The following HNRNPK variants were observed in gnomAD, a reference collection of about 807,000 sequenced individuals.
The protein encoded by HNRNPK is dC-stretch binding protein.
In HNRNPK, 7 loss-of-function variants were observed where a neutral mutation model predicts 67.0. The ratio of observed to expected loss-of-function variants is 0.10; its 90% CI spans 0.06 to 0.20. HNRNPK has a LOEUF of 0.20. Among genes scored for constraint, HNRNPK ranks in the 10% least tolerant of loss-of-function variants. HNRNPK has a pLI of 1.00. For synonymous variants in HNRNPK, 213 were observed against 193.7 expected (o/e 1.10, Z -0.83); for missense variants, 264 against 606.5 (o/e 0.44, Z 5.93).
At chr9:83,971,785 A>T (rs1186485221) in intron 11 of HNRNPK, 59 bp from the exon 12 acceptor site, 1 of 1,597,886 alleles carries the variant, frequency 6.3e-7, no homozygotes, top group Non-Finnish European at 8.6e-7. Flanking sequence ...ATATCAAATC[A>T]AAGTCTACCT....
rs1588416124 is a variant in HNRNPK, at chr9:83,971,711, A to G, written c.969T>C (p.Tyr323=). 3 of 1,614,002 alleles carry G rather than the reference A, an allele frequency of 1.9e-6. No individual in the cohort carries two copies. Among genetic ancestry groups the G allele is most frequent in the Non-Finnish European group, 1.7e-6 (2 of 1,179,846 alleles). ...GGTCTCCAGGTCTCCCTCTTCTGTC[A>G]TAGGCCATGAGGTCTCTGCAAGCAT... ...PPPRGGDLMA[Y]DRRGRPGDRY... Residue 323 remains tyrosine (Y), a synonymous_variant, in exon 12 of 17, where the codon TAT becomes TAC. Coordinates refer to ENST00000376263, the MANE Select transcript of HNRNPK (RefSeq NM_031263.4).
intron 1 of HNRNPK, among the ~76,000 whole-genome samples, chr9:83,979,129 A>G (rs1213688637): frequency 6.6e-6 from 1 of 152,196 alleles, no homozygotes; most frequent in African/African-American, 2.4e-5. Flanking sequence ...CTACGTGCCA[A>G]AACGGTCGAT....
chr9:83,970,657 T>G, intron 15 of HNRNPK, 80 bp downstream of exon 15: 1 of 1,004,582 alleles, frequency 1.0e-6, no homozygotes, highest in South Asian at 1.4e-5. Context: ...TGTTAAAACC[T>G]TCTGAATTAA....
At chr9:83,975,540 TTGGGCA>T in intron 5 of HNRNPK, 35 bp from the exon 6 acceptor site, 1 of 1,537,042 alleles carries the variant, frequency 6.5e-7, no homozygotes, top group Non-Finnish European at 9.0e-7. Flanking sequence ...GATGTTGGCA[TTGGGCA>T]TGGGCATTCA....
chr9:83,978,245 G>C lies in HNRNPK; in HGVS notation c.8C>G (p.Thr3Ser), dbSNP rs369246205. 6.2e-7 allele frequency: 1 copy of C among 1,604,466 alleles called. No individual in the cohort carries two copies. The highest frequency in any genetic ancestry group is 8.5e-7 in the Non-Finnish European group (1 of 1,175,368). Residue 3 changes from threonine to serine, a missense_variant, in exon 3 of 17, where the codon ACT becomes AGT. Physicochemically the swap from Thr to Ser is moderately conservative, Grantham distance 58 (BLOSUM62 1). Transcript: ENST00000376263. Reference protein sequence around the residue: METEQPEETFPNT... With the variant: MESEQPEETFPNT... ...AGGGAAGGTTTCTTCTGGCTGTTCA[G>C]TTTCCATATTCTTTTATTAAACGGG...
chr9:83,978,356 T>G lies in HNRNPK; in HGVS notation c.-28+17A>C. On this transcript the variant is annotated intron_variant, in intron 2 of 16. Transcript: ENST00000376263. ...TAAAAAAAAAAAAAAAAAAAAGACA[T>G]TGCTTCTAGAACGTACCAGTTATTA... The G allele has an allele frequency of 6.6e-7, 1 of 1,513,982 alleles. No homozygotes were observed. The highest frequency in any genetic ancestry group is 2.3e-5 in the East Asian group (1 of 43,362). The allele number at this position is 1,513,982 out of a possible 1,614,324, so 93.8% of individuals were successfully genotyped here. A position where few individuals can be genotyped will look rare whatever the true frequency, so the allele number is the denominator to read the frequency against.
In HNRNPK at chr9:83,973,355, C is replaced by G. The variant is rs1353107809; in HGVS notation, c.447G>C (p.Leu149=). Residue 149 remains leucine (L), a synonymous_variant, in exon 9 of 17, where the codon CTG becomes CTC. Transcript: ENST00000376263. ...KGSDFDCELR[L]LIHQSLAGGI... ...CTCCTGCTAGACTCTGATGAATCAA[C>G]AGCCTCAACTCGCAGTCAAAGTCAC... 3.7e-6 allele frequency: 6 copies of G among 1,611,156 alleles called. No individual in the cohort carries two copies. The highest frequency in any genetic ancestry group is 5.1e-6 in the Non-Finnish European group (6 of 1,177,772).
At chr9:83,971,578 A>C in intron 12 of HNRNPK, 94 bp downstream of exon 12, 1 of 1,064,478 alleles carries the variant, frequency 9.4e-7, no homozygotes, top group Non-Finnish European at 1.4e-6. Context: ...TTGTAAGAAA[A>C]ACTTTTTAAT....
Position 83,970,151 on chromosome 9 carries a change from CTT to C in HNRNPK, c.1361+9_1361+10del. On this transcript the variant is annotated intron_variant, in intron 16 of 16. Coordinates refer to ENST00000376263, the MANE Select transcript of HNRNPK (RefSeq NM_031263.4). ...ATGTATAAGCTAACACAAAGCTAAA[CTT>C]AAACTGACCTGTTCTGCAGCAAATA... The C allele has an allele frequency of 2.5e-6, 4 of 1,603,592 alleles. No individual in the cohort carries two copies. The highest frequency in any genetic ancestry group is 3.4e-6 in the Non-Finnish European group (4 of 1,174,552).
At chr9:83,979,139 T>C (rs1186721803) in intron 1 of HNRNPK, among the ~76,000 whole-genome samples, 9 of 152,192 alleles carry the variant, frequency 5.9e-5, no homozygotes, top group Admixed American at 2.6e-4. Context: ...AAACGGTCGA[T>C]AGGACTACAA....
rs572202204 is a variant in HNRNPK at position 83,977,112 on chromosome 9, C to G, written c.157-61G>C. Reference sequence around the variant, plus strand: ...TTTCCCTAAAATTAATAGCTACCTACGCTCTTAGATTTTGCTAAAAAATCC... The same window carrying G: ...TTTCCCTAAAATTAATAGCTACCTAGGCTCTTAGATTTTGCTAAAAAATCC... On this transcript the variant is annotated intron_variant, in intron 4 of 16. Coordinates refer to ENST00000376263, the MANE Select transcript of HNRNPK (RefSeq NM_031263.4). 2.6e-6 allele frequency: 3 copies of G among 1,154,424 alleles called. No homozygotes were observed. In the East Asian group the frequency reaches 7.0e-5, roughly 27 times the overall value. The allele number at this position is 1,154,424 out of a possible 1,614,324, so 71.5% of individuals were successfully genotyped here.
At position 83,978,400 on chromosome 9, in the gene HNRNPK, A is replaced by T; in HGVS notation, c.-55T>A. 1 of 1,437,884 alleles carries T rather than the reference A, an allele frequency of 7.0e-7. No individual in the cohort carries two copies. The highest frequency in any genetic ancestry group is 1.5e-5 in the South Asian group (1 of 64,692). 89.1% of individuals were successfully genotyped at this position (1,437,884 alleles called of 1,614,324 possible). On this transcript the variant is annotated 5_prime_UTR_variant, in exon 2 of 17. Coordinates refer to ENST00000376263, the MANE Select transcript of HNRNPK (RefSeq NM_031263.4). ...GTTATTATATATCCTTGCAGAGCAGAACTGAAGCGTTCTGGGTCGGACCAA... is the reference window on the plus strand; with the variant it reads ...GTTATTATATATCCTTGCAGAGCAGTACTGAAGCGTTCTGGGTCGGACCAA...
At position 83,970,811 on chromosome 9, in the gene HNRNPK, A is replaced by T; in HGVS notation, c.1117T>A (p.Tyr373Asn). The T allele has an allele frequency of 6.2e-7, 1 of 1,611,154 alleles. No individual in the cohort carries two copies. The highest frequency in any genetic ancestry group is 8.5e-7 in the Non-Finnish European group (1 of 1,177,318). ...CCATATGAGCCACGACCCCCTGCATAGGAATAATCTGATTTAAATAATGAG... is the reference window on the plus strand; with the variant it reads ...CCATATGAGCCACGACCCCCTGCATTGGAATAATCTGATTTAAATAATGAG... The part of the protein sequence containing the change: ...PQGGSGYDYS[Y>N]AGGRGSYGDL... Residue 373 changes from tyrosine to asparagine, a missense_variant, in exon 15 of 17, where the codon TAT becomes AAT. Transcript: ENST00000376263.
intron 13 of HNRNPK, 81 bp downstream of exon 13, chr9:83,971,192 G>A (rs1287016579): frequency 3.1e-6 from 3 of 980,566 alleles, no homozygotes; most frequent in Non-Finnish European, 5.0e-6. Context: ...AGTATCCTCA[G>A]GGGAATAAAA....
intron 1 of HNRNPK, among the ~76,000 whole-genome samples, chr9:83,978,854 C>G (rs1431262599): frequency 6.6e-6 from 1 of 152,220 alleles, no homozygotes; most frequent in African/African-American, 2.4e-5. Context: ...TCGACTCATG[C>G]TTGAAGCGAT....
In HNRNPK at chr9:83,969,671, T is replaced by C. The variant is rs1956733412; in HGVS notation, c.1362-231A>G. 3 of 609,348 alleles carry C rather than the reference T, an allele frequency of 4.9e-6. No individual in the cohort carries two copies. In the African/African-American group the frequency reaches 5.6e-5, roughly 11 times the overall value. The allele number at this position is 609,348 out of a possible 1,614,324, so 37.7% of individuals were successfully genotyped here. A position where few individuals can be genotyped will look rare whatever the true frequency, so the allele number is the denominator to read the frequency against. On this transcript the variant is annotated intron_variant, in intron 16 of 16. Transcript: ENST00000376263. The stretch of plus-strand genomic sequence containing the variant: ...GAATTAAGAAAACGGAATTGAAAGT[T>C]GTTAATATTTGGTAGAAAAGACAAA...
intron 12 of HNRNPK, 145 bp from the exon 13 acceptor site, chr9:83,971,501 AAT>A: frequency 1.2e-6 from 1 of 805,666 alleles, no homozygotes; most frequent in Non-Finnish European, 2.1e-6. Context: ...AACAAAGCTC[AAT>A]AAAGTCGTAA....
At chr9:83,974,331 G>A (rs1338194439) in intron 7 of HNRNPK, among the ~76,000 whole-genome samples, 186 bp downstream of exon 7, 1 of 144,060 alleles carries the variant, frequency 6.9e-6, no homozygotes, top group Non-Finnish European at 1.5e-5. Flanking sequence ...GGAGTGGCCA[G>A]CCTGTTTTTT....
At chr9:83,970,385 C>T in intron 15 of HNRNPK, 54 bp from the exon 16 acceptor site, 3 of 1,341,436 alleles carry the variant, frequency 2.2e-6, no homozygotes, top group Admixed American at 2.0e-5. Flanking sequence ...ACATTTACTA[C>T]CTGTATTTTC....
Sources: allele counts gnomAD v4.1 joint callset (sites outside exome capture counted in the v4.1 genomes callset), GRCh38; gene constraint gnomAD v4.1.1; transcripts MANE v1.5; gene names NCBI Gene and HGNC (gene_info 2026-07-23, HGNC 2026-07-21).